The following KCNAB1 variants were observed in gnomAD, a reference collection of about 807,000 sequenced individuals.
KCNAB1 encodes potassium voltage-gated channel subfamily A regulatory beta subunit 1, also known as voltage-gated potassium channel subunit beta-1.
In KCNAB1, 35 loss-of-function variants were observed where a neutral mutation model predicts 64.6. The ratio of observed to expected loss-of-function variants is 0.54; its 90% confidence interval spans 0.41 to 0.72. The LOEUF (loss-of-function observed/expected upper bound fraction) is 0.72. Ranked by LOEUF, KCNAB1 falls within the 30% of genes least tolerant of loss-of-function variation. The pLI is 0.00. For synonymous variants in KCNAB1, 177 were observed against 183.8 expected, an observed-to-expected ratio of 0.96 and a Z score of 0.30; for missense variants, 401 against 512.9, an observed-to-expected ratio of 0.78 and a Z score of 2.11.
chr3:156,271,890 G>T (rs1719058924), intron 1 of KCNAB1, among the ~76,000 whole-genome samples: 1 of 152,172 alleles, frequency 6.6e-6, no homozygotes, highest in African/African-American at 2.4e-5. Context: ...TAAGTTTGTG[G>T]TCACTGCAGC....
intron 8 of KCNAB1, among the ~76,000 whole-genome samples, chr3:156,496,902 C>T (rs1010171797): frequency 6.6e-6 from 1 of 152,094 alleles, no homozygotes; most frequent in Non-Finnish European, 1.5e-5. Flanking sequence ...TAAAATGGGG[C>T]ATCCTAGGGA....
At chr3:156,337,479 C>T (rs1333611547) in intron 1 of KCNAB1, among the ~76,000 whole-genome samples, 3 of 152,174 alleles carry the variant, frequency 2.0e-5, no homozygotes, top group African/African-American at 7.2e-5. Context: ...TCTTCCTCCT[C>T]CTCCTGGAGC....
At chr3:156,127,884 GGTGTGTGTGTGT>G (rs10576749) in intron 1 of KCNAB1, among the ~76,000 whole-genome samples, 3 of 147,556 alleles carry the variant, frequency 2.0e-5, no homozygotes, top group African/African-American at 5.0e-5. Flanking sequence ...CTTCATTTGG[GGTGTGTGTGTGT>G]GTGTGTGTGT....
At chr3:156,204,800 C>T (rs1349287882) in intron 1 of KCNAB1, among the ~76,000 whole-genome samples, 1 of 152,040 alleles carries the variant, frequency 6.6e-6, no homozygotes, top group Non-Finnish European at 1.5e-5. Flanking sequence ...CCACTGCACT[C>T]CAGTCTGGGC....
At chr3:156,126,217 AT>A (rs1163982780) in intron 1 of KCNAB1, among the ~76,000 whole-genome samples, 1 of 152,138 alleles carries the variant, frequency 6.6e-6, no homozygotes, top group African/African-American at 2.4e-5. Flanking sequence ...TGCAGGCTGG[AT>A]CTGGGAGTGT....
intron 8 of KCNAB1, among the ~76,000 whole-genome samples, chr3:156,482,609 T>C (rs1179915803): frequency 5.9e-5 from 9 of 152,112 alleles, no homozygotes; most frequent in African/African-American, 2.2e-4. Context: ...GGTATGGCAT[T>C]AAGAGTCAGA....
intron 1 of KCNAB1, among the ~76,000 whole-genome samples, 195 bp from the exon 2 acceptor site, chr3:156,421,421 A>G (rs1715457350): frequency 6.6e-6 from 1 of 152,218 alleles, no homozygotes; most frequent in African/African-American, 2.4e-5. Flanking sequence ...CTGCGCCTGA[A>G]CAGATTTTGA....
intron 1 of KCNAB1, among the ~76,000 whole-genome samples, chr3:156,339,826 C>T (rs965936026): frequency 2.0e-5 from 3 of 152,092 alleles, no homozygotes; most frequent in Non-Finnish European, 2.9e-5. Flanking sequence ...TGGCTTCATG[C>T]GTGTTTTGTC....
At chr3:156,300,987 T>C (rs1220892346) in intron 1 of KCNAB1, among the ~76,000 whole-genome samples, 2 of 152,190 alleles carry the variant, frequency 1.3e-5, no homozygotes, top group Non-Finnish European at 2.9e-5. Context: ...AAGAAAAATT[T>C]TCTGTATGGG....
Position 156,175,894 on chromosome 3 carries a change from A to T in KCNAB1, c.275+55008A>T, listed in dbSNP as rs1056373085. On this transcript the variant is annotated intron_variant, in intron 1 of 13. Transcript: ENST00000490337. ...CAGTCTCTTGTCACTCGATGCTGAG[A>T]TAATGAAGGGCTAGTCAGGGTGGAA... 6.5e-6 allele frequency: 5 copies of T among 774,470 alleles called. No homozygotes were observed. In the African/African-American group the frequency reaches 8.6e-5, roughly 13 times the overall value. The allele number at this position is 774,470 out of a possible 1,614,324, so 48.0% of individuals were successfully genotyped here. A position where few individuals can be genotyped will look rare whatever the true frequency, so the allele number is the denominator to read the frequency against.
chr3:156,284,661 G>A (rs1396524258), intron 1 of KCNAB1, among the ~76,000 whole-genome samples: 1 of 152,206 alleles, frequency 6.6e-6, no homozygotes, highest in Admixed American at 6.5e-5. Context: ...GTGGGATATA[G>A]TCTCGTGATG....
chr3:156,288,826 A>G (rs536425408), intron 1 of KCNAB1, among the ~76,000 whole-genome samples: 2 of 152,358 alleles, frequency 1.3e-5, no homozygotes, highest in East Asian at 3.9e-4. Flanking sequence ...CTTTCAAGTG[A>G]GCTGGCTGTG....
rs1717554383 is a variant in KCNAB1, at chr3:156,516,299, G to C, written c.895G>C (p.Ala299Pro). 6.2e-7 allele frequency: 1 copy of C among 1,613,904 alleles called. No homozygotes were observed. Among genetic ancestry groups the C allele is most frequent in the Admixed American group, 1.7e-5 (1 of 60,004 alleles). The change falls in exon 11 of 14, where the codon GCC becomes CCC. Residue 299 changes from alanine to proline, a missense_variant. By Grantham distance (27) the Ala-to-Pro change is conservative (BLOSUM62 -1). Transcript: ENST00000490337. The part of the protein sequence containing the change: ...GVGAMTWSPL[A>P]CGIISGKYGN... ...TGGCGCAATGACATGGTCTCCACTT[G>C]CCTGTGGAATCATCTCAGGAAAATA...
intron 1 of KCNAB1, among the ~76,000 whole-genome samples, chr3:156,177,239 C>T (rs1201719078): frequency 6.6e-6 from 1 of 152,168 alleles, no homozygotes; most frequent in Non-Finnish European, 1.5e-5. Context: ...GGGCTCATAC[C>T]ACATCTCCCC....
chr3:156,314,611 TA>T (rs1722152547), intron 1 of KCNAB1, among the ~76,000 whole-genome samples: 1 of 152,230 alleles, frequency 6.6e-6, no homozygotes, highest in Non-Finnish European at 1.5e-5. Context: ...TCAGAAACAC[TA>T]AATGCCAAAT....
chr3:156,233,943 A>G (rs1168222268), intron 1 of KCNAB1, among the ~76,000 whole-genome samples: 1 of 151,852 alleles, frequency 6.6e-6, no homozygotes, highest in African/African-American at 2.4e-5. Context: ...AAAAGTGGAA[A>G]TGACCATTAT....
At chr3:156,315,160 G>T (rs1374585709) in intron 1 of KCNAB1, among the ~76,000 whole-genome samples, 1 of 152,192 alleles carries the variant, frequency 6.6e-6, no homozygotes, top group Non-Finnish European at 1.5e-5. Flanking sequence ...CAGAGAATGA[G>T]TCAGAACTAT....
rs34628325 is a variant in KCNAB1, at chr3:156,501,422, C to CTTT, written c.659-12918_659-12916dup. Among the ~76,000 whole-genome samples the CTTT allele has an allele frequency of 2.8e-4, 23 of 82,526 alleles. 2 individuals are homozygous for CTTT. The highest frequency in any genetic ancestry group is 3.7e-4 in the African/African-American group (8 of 21,550). The allele number at this position is 82,526 out of a possible 152,430, so 54.1% of individuals were successfully genotyped here. ...GTCCATGGACAGGAAGACTTAGTACCTTTTTTTTTTTTTTTTTTTTTTTTT... is the reference window on the plus strand; with the variant it reads ...GTCCATGGACAGGAAGACTTAGTACCTTTTTTTTTTTTTTTTTTTTTTTTTTTT... On this transcript the variant is annotated intron_variant, in intron 8 of 13. Coordinates refer to ENST00000490337, the MANE Select transcript of KCNAB1 (RefSeq NM_172160.3).
intron 8 of KCNAB1, among the ~76,000 whole-genome samples, chr3:156,485,565 A>C (rs557771205): frequency 4.6e-5 from 7 of 151,856 alleles, no homozygotes; most frequent in Non-Finnish European, 1.0e-4. Flanking sequence ...CCTGCAGTAC[A>C]TTTAATTGTC....
Sources: allele counts gnomAD v4.1 joint callset (sites outside exome capture counted in the v4.1 genomes callset), GRCh38; gene constraint gnomAD v4.1.1; transcripts MANE v1.5; gene names NCBI Gene and HGNC (gene_info 2026-07-23, HGNC 2026-07-21).